PIGL: variants seen among roughly 807,000 people sequenced by gnomAD.
PIGL encodes the protein N-acetylglucosaminyl-phosphatidylinositol de-N-acetylase.
A neutral mutation model predicts 31.1 loss-of-function variants in PIGL; 22 were observed. The observed-to-expected ratio is 0.71, with a 90% CI of 0.51 to 1.01. The LOEUF (loss-of-function observed/expected upper bound fraction) is 1.01. PIGL is among the 50% of genes least tolerant of loss of function. PIGL has a pLI of 0.00. For missense variants in PIGL, 302 were observed against 315.9 expected (o/e 0.96, Z 0.33); for synonymous variants, 131 against 117.4 (o/e 1.12, Z -0.75).
intron 2 of PIGL, among the ~76,000 whole-genome samples, chr17:16,286,099 A>C (rs1019016825): frequency 2.0e-5 from 3 of 152,176 alleles, no homozygotes; most frequent in African/African-American, 7.2e-5. Flanking sequence ...GAAATGATCG[A>C]GTTTAGAGAT....
chr17:16,257,181 C>G (rs1267215340), intron 2 of PIGL, among the ~76,000 whole-genome samples: 1 of 152,152 alleles, frequency 6.6e-6, no homozygotes, highest in Non-Finnish European at 1.5e-5. Flanking sequence ...CTTTGGGAGA[C>G]TGAGGCAGGT....
intron 2 of PIGL, among the ~76,000 whole-genome samples, chr17:16,244,554 G>T (rs1233447981): frequency 1.3e-5 from 2 of 152,200 alleles, no homozygotes; most frequent in Admixed American, 1.3e-4. Context: ...GGAGATCTTG[G>T]TTATTAAGAT....
At chr17:16,222,306 A>C (rs997718606) in intron 1 of PIGL, among the ~76,000 whole-genome samples, 6 of 151,658 alleles carry the variant, frequency 4.0e-5, no homozygotes, top group Non-Finnish European at 7.4e-5. Flanking sequence ...ATAGGAGTAG[A>C]TATATATATA....
intron 2 of PIGL, among the ~76,000 whole-genome samples, chr17:16,253,936 TTGTC>T (rs1425396523): frequency 2.0e-5 from 3 of 151,692 alleles, no homozygotes; most frequent in African/African-American, 7.3e-5. Flanking sequence ...AAACGAGACT[TTGTC>T]TAAGTAAAAA....
chr17:16,236,465 A>C (rs1389031736), intron 2 of PIGL, among the ~76,000 whole-genome samples: 2 of 152,190 alleles, frequency 1.3e-5, no homozygotes, highest in African/African-American at 4.8e-5. Context: ...TTCCTGCTCC[A>C]ATTCTGAAAT....
intron 2 of PIGL, among the ~76,000 whole-genome samples, chr17:16,237,406 C>T (rs2092703816): frequency 1.3e-5 from 2 of 151,216 alleles, no homozygotes; most frequent in African/African-American, 4.9e-5. Context: ...CTGCGCCTGG[C>T]CTATTTTTTT....
At chr17:16,244,036 G>T (rs1416684377) in intron 2 of PIGL, among the ~76,000 whole-genome samples, 5 of 152,152 alleles carry the variant, frequency 3.3e-5, no homozygotes, top group Non-Finnish European at 7.3e-5. Flanking sequence ...TCAGTTCCTG[G>T]GTGGGGGACT....
intron 1 of PIGL, among the ~76,000 whole-genome samples, chr17:16,220,164 A>T (rs140882936): frequency 6.6e-6 from 1 of 151,984 alleles, no homozygotes; most frequent in Non-Finnish European, 1.5e-5. Context: ...CTTGGCCAAC[A>T]TGTTGAAACC....
chr17:16,312,916 AGGGG>A (rs2093060622), intron 3 of PIGL: 1 of 54,606 alleles, frequency 1.8e-5, no homozygotes, highest in African/African-American at 1.1e-4. Context: ...CCTTGGAAAG[AGGGG>A]AGGGGGAAGG....
At chr17:16,267,711 GA>G (rs199795601) in intron 2 of PIGL, among the ~76,000 whole-genome samples, 9 of 144,998 alleles carry the variant, frequency 6.2e-5, no homozygotes, top group South Asian at 2.2e-4. Flanking sequence ...AAGAAAAAAA[GA>G]AAAAAAAAAG....
chr17:16,276,061 A>G (rs1486616363), intron 2 of PIGL, among the ~76,000 whole-genome samples: 1 of 152,178 alleles, frequency 6.6e-6, no homozygotes, highest in Non-Finnish European at 1.5e-5. Context: ...GGTGAGGGCC[A>G]TTTATAACTC....
chr17:16,251,753 G>C (rs1428432329), intron 2 of PIGL, among the ~76,000 whole-genome samples: 1 of 151,724 alleles, frequency 6.6e-6, no homozygotes, highest in Admixed American at 6.6e-5. Flanking sequence ...TGTGCTAGAT[G>C]CTGAAGAAAG....
intron 2 of PIGL, among the ~76,000 whole-genome samples, chr17:16,265,783 T>A (rs752635165): frequency 6.6e-6 from 1 of 151,124 alleles, no homozygotes; most frequent in Non-Finnish European, 1.5e-5. Context: ...AACAGCTGGG[T>A]CTTAATAGTC....
At chr17:16,256,449 T>A (rs1459673737) in intron 2 of PIGL, among the ~76,000 whole-genome samples, 1 of 152,126 alleles carries the variant, frequency 6.6e-6, no homozygotes, top group Non-Finnish European at 1.5e-5. Flanking sequence ...TGCCTCAGCT[T>A]CAAGCGATTC....
intron 3 of PIGL, among the ~76,000 whole-genome samples, chr17:16,301,570 ATTTT>A (rs3034004): frequency 5.3e-5 from 6 of 112,324 alleles, no homozygotes; most frequent in African/African-American, 3.5e-5. Flanking sequence ...CCAATTTTTA[ATTTT>A]TTTTTTTTTT....
At chr17:16,234,364 T>C (rs2092691219) in intron 2 of PIGL, among the ~76,000 whole-genome samples, 1 of 152,070 alleles carries the variant, frequency 6.6e-6, no homozygotes, top group African/African-American at 2.4e-5. Flanking sequence ...GGAGAATCAC[T>C]TGAACCCAGG....
chr17:16,224,453 T>C (rs978643143), intron 1 of PIGL, among the ~76,000 whole-genome samples: 1 of 151,590 alleles, frequency 6.6e-6, no homozygotes, highest in Non-Finnish European at 1.5e-5. Context: ...ACTACAGGCA[T>C]GCACCACCAC....
intron 6 of PIGL, among the ~76,000 whole-genome samples, chr17:16,325,520 A>T (rs1328791642): frequency 6.6e-6 from 1 of 152,072 alleles, no homozygotes; most frequent in Non-Finnish European, 1.5e-5. Context: ...GAGATGATGC[A>T]TGTGGACTGT....
At chr17:16,302,525 C>G (rs1008891429) in intron 3 of PIGL, among the ~76,000 whole-genome samples, 7 of 152,112 alleles carry the variant, frequency 4.6e-5, no homozygotes, top group Non-Finnish European at 7.4e-5. Context: ...TACTCTCTGT[C>G]CTCCCCTACT....
Sources: allele counts gnomAD v4.1 joint callset (sites outside exome capture counted in the v4.1 genomes callset), GRCh38; gene constraint gnomAD v4.1.1; transcripts MANE v1.5; gene names NCBI Gene and HGNC (gene_info 2026-07-23, HGNC 2026-07-21).